PMM2: variants seen among roughly 807,000 people sequenced by gnomAD.
The protein encoded by PMM2 is mannose-6-phosphate isomerase.
A neutral mutation model predicts 33.2 loss-of-function variants in PMM2; 35 were observed. That is an observed-to-expected ratio of 1.06 (90% CI 0.81 to 1.40). PMM2 has a LOEUF of 1.40. Ranked by LOEUF, PMM2 falls within the 40% of genes most tolerant of loss-of-function variation. The probability of loss-of-function intolerance (pLI) is 0.00; values close to 1 mark genes in which losing one functional copy is unlikely to be tolerated. For synonymous variants in PMM2, 153 were observed against 114.7 expected (o/e 1.33, Z -2.13); for missense variants, 386 against 306.0 (o/e 1.26, Z -1.95).
intron 7 of PMM2, among the ~76,000 whole-genome samples, chr16:8,818,333 C>T (rs946544427): frequency 2.0e-5 from 3 of 152,192 alleles, no homozygotes; most frequent in African/African-American, 2.4e-5. Flanking sequence ...CATTCTTGCA[C>T]GATTCTTTGC....
intron 7 of PMM2, among the ~76,000 whole-genome samples, chr16:8,828,957 G>C (rs1013878807): frequency 6.6e-6 from 1 of 152,180 alleles, no homozygotes; most frequent in Non-Finnish European, 1.5e-5. Context: ...GCATGTGAGA[G>C]CTGGTTGTGC....
At chr16:8,827,077 T>C (rs2086415369) in intron 7 of PMM2, among the ~76,000 whole-genome samples, 1 of 152,172 alleles carries the variant, frequency 6.6e-6, no homozygotes, top group Non-Finnish European at 1.5e-5. Flanking sequence ...GGCCAAGTAA[T>C]GTGATTCAAA....
At chr16:8,836,449 C>A (rs1336374162) in intron 7 of PMM2, among the ~76,000 whole-genome samples, 1 of 151,970 alleles carries the variant, frequency 6.6e-6, no homozygotes, top group Non-Finnish European at 1.5e-5. Context: ...ATTCCTTGGC[C>A]CAGTGGCCAG....
At chr16:8,827,692 A>ATATATATATAT (rs2060777616) in intron 7 of PMM2, among the ~76,000 whole-genome samples, 5 of 134,942 alleles carry the variant, frequency 3.7e-5, no homozygotes, top group Non-Finnish European at 7.7e-5. Flanking sequence ...CACTGCACCC[A>ATATATATATAT]GCCCACAAAG....
At chr16:8,818,200 C>T (rs993249698) in intron 7 of PMM2, among the ~76,000 whole-genome samples, 23 of 143,270 alleles carry the variant, frequency 1.6e-4, no homozygotes, top group African/African-American at 4.6e-4. Flanking sequence ...CTGCGCCTGG[C>T]GCAAAGAAGA....
At chr16:8,800,137 T>A (rs1209643346) in intron 1 of PMM2, among the ~76,000 whole-genome samples, 3 of 152,046 alleles carry the variant, frequency 2.0e-5, no homozygotes, top group African/African-American at 7.2e-5. Context: ...GGCGGGTGGA[T>A]CACTTGAGGT....
intron 7 of PMM2, among the ~76,000 whole-genome samples, chr16:8,838,710 G>A (rs1034825337): frequency 6.6e-6 from 1 of 151,950 alleles, no homozygotes; most frequent in African/African-American, 2.4e-5. Flanking sequence ...AAAAGAAGGA[G>A]AAAAATGGGT....
At chr16:8,835,440 C>T (rs1278334960) in intron 7 of PMM2, among the ~76,000 whole-genome samples, 2 of 151,946 alleles carry the variant, frequency 1.3e-5, no homozygotes, top group South Asian at 2.1e-4. Flanking sequence ...TGATGGGTGT[C>T]AGGGTCATCT....
At chr16:8,819,129 T>C (rs1025852014) in intron 7 of PMM2, among the ~76,000 whole-genome samples, 1 of 152,210 alleles carries the variant, frequency 6.6e-6, no homozygotes, top group Non-Finnish European at 1.5e-5. Context: ...TGGCTATCAG[T>C]GCACTCAAGC....
At position 8,829,695 on chromosome 16, in the gene PMM2, C is replaced by T. The variant is rs184298410; in HGVS notation, c.639+16589C>T. Among the ~76,000 whole-genome samples, 57 of 152,116 alleles carry T rather than the reference C, an allele frequency of 3.7e-4. No homozygotes were observed. The East Asian group carries it at 6.4e-3, about 17-fold the overall frequency. On this transcript the variant is annotated intron_variant, in intron 7 of 7. Transcript: ENST00000268261. Reference sequence around the variant, plus strand: ...AGCCAGATGGAAGAGCGGATGGTCACCCTCGAGGCAGCCCTGTCAAACTTC... The same window carrying T: ...AGCCAGATGGAAGAGCGGATGGTCATCCTCGAGGCAGCCCTGTCAAACTTC...
chr16:8,800,478 A>G (rs1370710855), intron 1 of PMM2, among the ~76,000 whole-genome samples: 1 of 152,080 alleles, frequency 6.6e-6, no homozygotes, highest in Admixed American at 6.6e-5. Flanking sequence ...CTATTTTTTC[A>G]TCTTAGTTTA....
At chr16:8,834,098 G>T (rs1567166896) in intron 7 of PMM2, among the ~76,000 whole-genome samples, 1 of 152,214 alleles carries the variant, frequency 6.6e-6, no homozygotes, top group Non-Finnish European at 1.5e-5. Flanking sequence ...TAATAAAAAG[G>T]AGCGTCTATA....
At chr16:8,842,979 G>C (rs2060899905) in intron 7 of PMM2, among the ~76,000 whole-genome samples, 3 of 152,282 alleles carry the variant, frequency 2.0e-5, no homozygotes, top group Middle Eastern at 6.8e-3. Context: ...GGAGGCTTTG[G>C]GTTGGGGAGA....
intron 6 of PMM2, among the ~76,000 whole-genome samples, chr16:8,812,754 T>C (rs142646574): frequency 1.6e-3 from 245 of 152,336 alleles, no homozygotes; most frequent in African/African-American, 5.6e-3. Context: ...CATTTCTCAC[T>C]CTGAGTTGGC....
chr16:8,832,437 C>T (rs1002586191), intron 7 of PMM2: 1 of 985,264 alleles, frequency 1.0e-6, no homozygotes, highest in East Asian at 1.1e-4. Flanking sequence ...CACTCAGATT[C>T]CACAGACACC....
At position 8,806,426 on chromosome 16, in the gene PMM2, A is replaced by C; in HGVS notation, c.347+19A>C. ...AGAAGAGGTGGGTTTGCTTTTAACA[A>C]AGAGGCGTCACAGGAACATAGCGTA... On this transcript the variant is annotated intron_variant, in intron 4 of 7. Transcript: ENST00000268261. 1 of 1,480,280 alleles carries C rather than the reference A, an allele frequency of 6.8e-7. No individual in the cohort carries two copies. The highest frequency in any genetic ancestry group is 1.7e-5 in the Admixed American group (1 of 59,874). The allele number at this position is 1,480,280 out of a possible 1,614,324, so 91.7% of individuals were successfully genotyped here. A position where few individuals can be genotyped will look rare whatever the true frequency, so the allele number is the denominator to read the frequency against.
intron 6 of PMM2, 23 bp from the exon 7 acceptor site, chr16:8,812,968 T>A (rs747143679): frequency 5.9e-6 from 8 of 1,359,094 alleles, no homozygotes; most frequent in Non-Finnish European, 8.4e-6. Flanking sequence ...TTTGCCTTTG[T>A]GTGCCCCGTC....
At chr16:8,842,771 C>T (rs1332181403) in intron 7 of PMM2, among the ~76,000 whole-genome samples, 1 of 152,184 alleles carries the variant, frequency 6.6e-6, no homozygotes, top group African/African-American at 2.4e-5. Flanking sequence ...TTTTAGAAGC[C>T]TATGCTGTAG....
chr16:8,839,256 A>G (rs751987317), intron 7 of PMM2, among the ~76,000 whole-genome samples: 13 of 152,060 alleles, frequency 8.5e-5, no homozygotes, highest in South Asian at 4.1e-4. Context: ...TGCCTGTCCA[A>G]TTAGCAGGTA....
Sources: allele counts gnomAD v4.1 joint callset (sites outside exome capture counted in the v4.1 genomes callset), GRCh38; gene constraint gnomAD v4.1.1; transcripts MANE v1.5; gene names NCBI Gene and HGNC (gene_info 2026-07-23, HGNC 2026-07-21).